Variants in HDAC9 observed in about 807,000 individuals in gnomAD.
The protein encoded by HDAC9 is MEF-2 interacting transcription repressor (MITR) protein.
In HDAC9, 41 loss-of-function variants were observed where a neutral mutation model predicts 139.4. The ratio of observed to expected loss-of-function variants is 0.29; its 90% CI spans 0.23 to 0.38. The LOEUF is 0.38. HDAC9 is among the 10% of genes least tolerant of loss of function. The pLI is 1.00. For synonymous variants in HDAC9, 517 were observed against 476.2 expected (o/e 1.09, Z -1.12); for missense variants, 1,147 against 1,297.0 (o/e 0.88, Z 1.78).
rs550920533 is a variant in HDAC9 at position 18,375,078 on chromosome 7, A to G, written c.-42+84563A>G. Among the ~76,000 whole-genome samples the G allele has an allele frequency of 4.1e-4, 63 of 152,368 alleles. 1 individual carries two copies. The highest frequency in any genetic ancestry group is 5.0e-4 in the Non-Finnish European group (34 of 68,028). On this transcript the variant is annotated intron_variant, in intron 1 of 3. Transcript: ENST00000413509. The stretch of plus-strand genomic sequence containing the variant: ...TTAATCATTATTTTAAAATGTGGTT[A>G]TGTAAACAAAGTTAATTGTAAACAG...
chr7:18,360,294 A>G (rs1225751098), intron 1 of HDAC9, among the ~76,000 whole-genome samples: 1 of 152,208 alleles, frequency 6.6e-6, no homozygotes, highest in East Asian at 1.9e-4. Context: ...AGTTTACATA[A>G]GTGAAATGTT....
chr7:18,838,975 C>A lies in HDAC9; in HGVS notation c.2684+2978C>A, dbSNP rs145883502. On this transcript the variant is annotated intron_variant, in intron 21 of 25. Coordinates refer to ENST00000686413, the MANE Select transcript of HDAC9 (RefSeq NM_178425.4). ...AGACAAACCAAAGATTTCACATTTACTGTAAGCTTTAAATAGAATTTAAAA... is the reference window on the plus strand; with the variant it reads ...AGACAAACCAAAGATTTCACATTTAATGTAAGCTTTAAATAGAATTTAAAA... 3.1e-3 allele frequency among the ~76,000 whole-genome samples: 464 copies of A among 152,040 alleles called. 4 individuals carry two copies. Among genetic ancestry groups the A allele is most frequent in the African/African-American group, 0.011 (443 of 41,506 alleles).
At chr7:18,413,902 T>A (rs762307131) in intron 1 of HDAC9, among the ~76,000 whole-genome samples, 1 of 152,104 alleles carries the variant, frequency 6.6e-6, no homozygotes, top group Non-Finnish European at 1.5e-5. Context: ...TAAACATACT[T>A]TAATATTTGG....
chr7:18,872,505 T>A (rs1324700159), intron 21 of HDAC9, among the ~76,000 whole-genome samples: 1 of 152,184 alleles, frequency 6.6e-6, no homozygotes, highest in Non-Finnish European at 1.5e-5. Flanking sequence ...ATGGGGCTTT[T>A]TGACCACTGA....
chr7:18,273,056 G>GTTTTTT lies in HDAC9; in HGVS notation c.25+110729_25+110734dup, dbSNP rs746089054. 4.7e-4 allele frequency among the ~76,000 whole-genome samples: 40 copies of GTTTTTT among 84,770 alleles called. 1 individual carries two copies. The highest frequency in any genetic ancestry group is 7.8e-4 in the African/African-American group (13 of 16,684). 55.6% of individuals were successfully genotyped at this position (84,770 alleles called of 152,430 possible). A position where few individuals can be genotyped will look rare whatever the true frequency, so the allele number is the denominator to read the frequency against. On this transcript the variant is annotated intron_variant, in intron 2 of 12. Coordinates refer to the HDAC9 transcript ENST00000417496. ...CCTCTTCCCCTTCTTCCCCTTCTTC[G>GTTTTTT]TTTTTTTTTTTTTTTTTTTTTTTTT... is the stretch of plus-strand genomic sequence containing the variant.
chr7:18,251,336 A>G (rs748886176), intron 2 of HDAC9, among the ~76,000 whole-genome samples: 1 of 152,148 alleles, frequency 6.6e-6, no homozygotes, highest in Non-Finnish European at 1.5e-5. Context: ...GGGAGGAAAC[A>G]GCACACACTG....
intron 2 of HDAC9, among the ~76,000 whole-genome samples, chr7:18,258,489 C>A (rs1795425969): frequency 6.6e-6 from 1 of 152,144 alleles, no homozygotes; most frequent in Non-Finnish European, 1.5e-5. Context: ...CCCAGTCCCA[C>A]CCTTTTTCCC....
chr7:18,607,685 A>G (rs2128895899), intron 6 of HDAC9, among the ~76,000 whole-genome samples: 1 of 152,312 alleles, frequency 6.6e-6, no homozygotes, highest in East Asian at 1.9e-4. Flanking sequence ...GACTATGAGC[A>G]TAGTGCTTCA....
intron 17 of HDAC9, among the ~76,000 whole-genome samples, chr7:18,820,955 A>T (rs567800980): frequency 6.6e-6 from 1 of 152,270 alleles, no homozygotes; most frequent in South Asian, 2.1e-4. Flanking sequence ...GTAATGTATG[A>T]TAAGCAGAAA....
intron 25 of HDAC9, among the ~76,000 whole-genome samples, chr7:18,995,453 G>C (rs570288375): frequency 1.5e-4 from 23 of 152,344 alleles, no homozygotes; most frequent in Admixed American, 9.8e-4. Context: ...CCCTGCAGAT[G>C]ATGCCGAATA....
At chr7:18,340,705 A>T (rs922488423) in intron 1 of HDAC9, among the ~76,000 whole-genome samples, 1 of 71,962 alleles carries the variant, frequency 1.4e-5, no homozygotes, top group Non-Finnish European at 4.0e-5. Flanking sequence ...TATATTAGTT[A>T]TAAATCCCAT....
chr7:18,524,764 T>A (rs879351233), intron 2 of HDAC9, among the ~76,000 whole-genome samples: 1 of 151,876 alleles, frequency 6.6e-6, no homozygotes, highest in Non-Finnish European at 1.5e-5. Context: ...TAGCACTGCC[T>A]AATGGATTAT....
chr7:18,859,781 C>T (rs1797953843), intron 21 of HDAC9, among the ~76,000 whole-genome samples: 1 of 125,854 alleles, frequency 7.9e-6, no homozygotes, highest in South Asian at 2.6e-4. Flanking sequence ...TTTCTCTCCT[C>T]TTGAGAAGAA....
chr7:18,991,526 G>A (rs572496857), intron 25 of HDAC9, among the ~76,000 whole-genome samples: 50 of 152,128 alleles, frequency 3.3e-4, no homozygotes, highest in East Asian at 9.7e-4. Flanking sequence ...AGTCCCAGCT[G>A]CTCAGGAGGC....
chr7:18,991,009 G>T (rs12539815), intron 25 of HDAC9, among the ~76,000 whole-genome samples: 1 of 152,142 alleles, frequency 6.6e-6, no homozygotes, highest in Non-Finnish European at 1.5e-5. Flanking sequence ...CGTCTTCTGC[G>T]TTGCCCATGC....
chr7:18,310,325 G>A (rs756188422), intron 1 of HDAC9, among the ~76,000 whole-genome samples: 3 of 152,138 alleles, frequency 2.0e-5, no homozygotes, highest in Non-Finnish European at 4.4e-5. Flanking sequence ...TATTTCTTTG[G>A]AGGACGATAT....
chr7:18,371,587 C>G (rs753106803), intron 1 of HDAC9, among the ~76,000 whole-genome samples: 1 of 152,072 alleles, frequency 6.6e-6, no homozygotes, highest in Non-Finnish European at 1.5e-5. Flanking sequence ...AAAATAGGAA[C>G]TAATTACATT....
chr7:18,336,935 T>C (rs1351277523), intron 1 of HDAC9, among the ~76,000 whole-genome samples: 1 of 151,662 alleles, frequency 6.6e-6, no homozygotes, highest in Admixed American at 6.6e-5. Flanking sequence ...TATTTTATAA[T>C]TACCAATTTA....
intron 1 of HDAC9, among the ~76,000 whole-genome samples, chr7:18,296,419 C>T (rs1395189261): frequency 8.9e-6 from 1 of 112,264 alleles, no homozygotes; most frequent in Non-Finnish European, 1.8e-5. Context: ...TCATATAGCT[C>T]ATATTTGTGT....
Sources: gnomAD v4.1 joint callset for allele counts (sites outside exome capture counted in the v4.1 genomes callset) on GRCh38, gnomAD v4.1.1 for gene constraint, MANE v1.5 for transcripts, NCBI Gene and HGNC (gene_info 2026-07-23, HGNC 2026-07-21) for gene names.